PCNX1: variants seen among roughly 807,000 people sequenced by gnomAD.
PCNX1 encodes pecanex 1, also known as pecanex-like protein 1.
In PCNX1, 78 loss-of-function variants were observed where a neutral mutation model predicts 242.2. The ratio of observed to expected loss-of-function variants is 0.32; its 90% CI spans 0.27 to 0.39. The LOEUF (loss-of-function observed/expected upper bound fraction) is 0.39. Ranked by LOEUF, PCNX1 falls within the 10% of genes least tolerant of loss-of-function variation. The pLI is 1.00. For synonymous variants in PCNX1, 1,024 were observed against 1,032.9 expected (o/e 0.99, Z 0.17); for missense variants, 2,581 against 2,856.5 (o/e 0.90, Z 2.20).
chr14:71,085,065 G>C (rs949249996), intron 28 of PCNX1, among the ~76,000 whole-genome samples: 3 of 152,196 alleles, frequency 2.0e-5, no homozygotes, highest in Admixed American at 1.3e-4. Flanking sequence ...CTCACGGCAC[G>C]GTCCATCACA....
intron 2 of PCNX1, among the ~76,000 whole-genome samples, chr14:70,953,441 G>T: frequency 6.6e-6 from 1 of 150,400 alleles, no homozygotes. Flanking sequence ...ATTTTTCTTT[G>T]GAGCTGTCTT....
At chr14:71,082,888 T>G (rs142786262) in intron 28 of PCNX1, among the ~76,000 whole-genome samples, 3 of 152,210 alleles carry the variant, frequency 2.0e-5, no homozygotes, top group Non-Finnish European at 4.4e-5. Flanking sequence ...ATCCTATCAT[T>G]ATGATGTTAG....
At chr14:70,923,833 A>G (rs770555435) in intron 1 of PCNX1, among the ~76,000 whole-genome samples, 5 of 152,176 alleles carry the variant, frequency 3.3e-5, no homozygotes, top group Non-Finnish European at 7.4e-5. Context: ...TGCTGCAGTA[A>G]ATAATTTGCA....
chr14:70,990,383 C>T (rs112033228), intron 7 of PCNX1, among the ~76,000 whole-genome samples: 2 of 151,132 alleles, frequency 1.3e-5, no homozygotes, highest in African/African-American at 4.9e-5. Flanking sequence ...CATGGTGAAA[C>T]CTCGTCTCTA....
chr14:71,023,179 G>A (rs540576587), intron 12 of PCNX1, 21 bp from the exon 13 acceptor site: 32 of 1,597,000 alleles, frequency 2.0e-5, no homozygotes, highest in Non-Finnish European at 2.5e-5. Flanking sequence ...AGTGTAATTT[G>A]TCTTTCTGTT....
chr14:71,062,458 T>G, intron 26 of PCNX1, among the ~76,000 whole-genome samples: 1 of 151,794 alleles, frequency 6.6e-6, no homozygotes, highest in Non-Finnish European at 1.5e-5. Flanking sequence ...TTTTAAAACA[T>G]TTTAAAATGT....
chr14:70,954,567 T>C (rs2057916837), intron 2 of PCNX1, among the ~76,000 whole-genome samples: 1 of 152,210 alleles, frequency 6.6e-6, no homozygotes, highest in African/African-American at 2.4e-5. Context: ...AGTTTTTCAT[T>C]TTCTCCATTA....
At chr14:71,061,494 T>G (rs1163156127) in intron 26 of PCNX1, among the ~76,000 whole-genome samples, 1 of 152,162 alleles carries the variant, frequency 6.6e-6, no homozygotes, top group East Asian at 1.9e-4. Context: ...AACACCCACC[T>G]CTCTGATCCA....
intron 22 of PCNX1, among the ~76,000 whole-genome samples, chr14:71,050,294 G>T (rs940829299): frequency 1.3e-5 from 2 of 151,846 alleles, no homozygotes; most frequent in African/African-American, 4.8e-5. Flanking sequence ...CTAGCATTAG[G>T]TATATCTCCC....
chr14:71,008,974 A>G (rs1187373995), intron 8 of PCNX1, among the ~76,000 whole-genome samples: 1 of 152,144 alleles, frequency 6.6e-6, no homozygotes, highest in African/African-American at 2.4e-5. Flanking sequence ...ATCTGTATTC[A>G]TTTGCAACAT....
chr14:70,925,465 C>T (rs768326478), intron 1 of PCNX1, among the ~76,000 whole-genome samples: 2 of 151,578 alleles, frequency 1.3e-5, no homozygotes, highest in Non-Finnish European at 2.9e-5. Flanking sequence ...CCCCATTTTA[C>T]AGAAATATTT....
intron 26 of PCNX1, among the ~76,000 whole-genome samples, chr14:71,070,408 C>T (rs145934704): frequency 2.3e-3 from 355 of 152,342 alleles, no homozygotes; most frequent in African/African-American, 7.6e-3. Flanking sequence ...TGCCCAGACT[C>T]ATCAGAGGAA....
chr14:70,950,494 T>C (rs1318022008), intron 2 of PCNX1, among the ~76,000 whole-genome samples: 1 of 152,152 alleles, frequency 6.6e-6, no homozygotes, highest in Non-Finnish European at 1.5e-5. Context: ...TATCATAGTT[T>C]TTCAGAGGTG....
chr14:70,908,458 C>T (rs1373677337), intron 1 of PCNX1, among the ~76,000 whole-genome samples: 1 of 152,134 alleles, frequency 6.6e-6, no homozygotes, highest in Admixed American at 6.5e-5. Context: ...TCGTCCGGGG[C>T]TCCCGGGAGA....
intron 26 of PCNX1, among the ~76,000 whole-genome samples, chr14:71,063,405 AT>A (rs1370164324): frequency 6.6e-6 from 1 of 152,214 alleles, no homozygotes; most frequent in East Asian, 1.9e-4. Flanking sequence ...TTCATTTATC[AT>A]TATGTACCCA....
In PCNX1 at chr14:71,033,945, C is replaced by A. The variant is rs1331715010; in HGVS notation, c.3683C>A (p.Ser1228Tyr). 6 of 1,591,940 alleles carry A rather than the reference C, an allele frequency of 3.8e-6. No individual in the cohort carries two copies. The highest frequency in any genetic ancestry group is 5.2e-6 in the Non-Finnish European group (6 of 1,163,942). Residue 1228 changes from serine to tyrosine, a missense_variant, in exon 18 of 36, where the codon TCC becomes TAC. This residue lies in a region of PCNX1 where 432 missense variants were observed against 443.1 expected (regional missense o/e 0.97). Transcript: ENST00000304743. ...TTCACATAAAGCTCTTTAGTGCAAT[C>A]CAAGATTTTTCCAAAAACGGAAGAG... ...DPSVLFSLVQ[S>Y]KIFPKTEEKN...
intron 30 of PCNX1, among the ~76,000 whole-genome samples, chr14:71,091,169 G>C (rs1019125394): frequency 6.6e-6 from 1 of 152,090 alleles, no homozygotes; most frequent in Non-Finnish European, 1.5e-5. Context: ...CTTCTAGGAG[G>C]GTGGAGATTG....
chr14:70,913,750 T>G (rs1224292413), intron 1 of PCNX1, among the ~76,000 whole-genome samples: 1 of 152,210 alleles, frequency 6.6e-6, no homozygotes, highest in Non-Finnish European at 1.5e-5. Flanking sequence ...TTAGTTAGGG[T>G]GACTAAAACA....
At chr14:70,958,268 C>T (rs1321754831) in intron 2 of PCNX1, among the ~76,000 whole-genome samples, 2 of 152,102 alleles carry the variant, frequency 1.3e-5, no homozygotes, top group Non-Finnish European at 2.9e-5. Context: ...TAGTTAGCTA[C>T]TGTAGTCAAT....
Sources: gnomAD v4.1 joint callset for allele counts (sites outside exome capture counted in the v4.1 genomes callset) on GRCh38, gnomAD v4.1.1 for gene constraint, gnomAD v4.1.1 regional missense constraint, MANE v1.5 for transcripts, NCBI Gene and HGNC (gene_info 2026-07-23, HGNC 2026-07-21) for gene names.